The following ATP2B2 variants were observed in gnomAD, a reference collection of about 807,000 sequenced individuals.
The protein encoded by ATP2B2 is plasma membrane calcium-transporting ATPase 2.
A neutral mutation model predicts 120.0 loss-of-function variants in ATP2B2; 15 were observed. The observed-to-expected ratio is 0.12, with a 90% CI of 0.08 to 0.19. The LOEUF (loss-of-function observed/expected upper bound fraction) is 0.19. ATP2B2 is among the 10% of genes least tolerant of loss of function. ATP2B2 has a pLI of 1.00. For synonymous variants in ATP2B2, 694 were observed against 700.3 expected (o/e 0.99, Z 0.14); for missense variants, 1,045 against 1,719.8 (o/e 0.61, Z 6.94).
intron 2 of ATP2B2, among the ~76,000 whole-genome samples, chr3:10,547,148 C>T (rs964059583): frequency 6.6e-6 from 1 of 151,918 alleles, no homozygotes; most frequent in Non-Finnish European, 1.5e-5. Context: ...CAGCTCGGGT[C>T]AAGGGCGGGG....
chr3:10,460,659 G>A (rs1162395761), intron 1 of ATP2B2, among the ~76,000 whole-genome samples: 2 of 152,176 alleles, frequency 1.3e-5, no homozygotes, highest in Non-Finnish European at 2.9e-5. Flanking sequence ...TAGGGGGCAG[G>A]ACTGAGCTAA....
At chr3:10,389,336 A>T (rs557746257) in intron 5 of ATP2B2, among the ~76,000 whole-genome samples, 2 of 152,372 alleles carry the variant, frequency 1.3e-5, no homozygotes, top group Admixed American at 1.3e-4. Context: ...CTTGTCCAAC[A>T]GCAAGCAAGG....
chr3:10,680,730 T>C (rs1323648662), intron 1 of ATP2B2, among the ~76,000 whole-genome samples: 2 of 152,152 alleles, frequency 1.3e-5, no homozygotes, highest in East Asian at 1.9e-4. Flanking sequence ...CTCCCTGGGA[T>C]GTATGGCTTT....
intron 1 of ATP2B2, among the ~76,000 whole-genome samples, chr3:10,688,927 G>A (rs2071590389): frequency 6.6e-6 from 1 of 152,196 alleles, no homozygotes; most frequent in Admixed American, 6.5e-5. Context: ...CCTCCATGGT[G>A]CAGATGTGGA....
At chr3:10,385,987 T>C (rs541316819) in intron 7 of ATP2B2, among the ~76,000 whole-genome samples, 64 of 152,234 alleles carry the variant, frequency 4.2e-4, no homozygotes, top group Non-Finnish European at 7.8e-4. Flanking sequence ...CACTAGTGAA[T>C]TTTTCTTAAT....
In ATP2B2 at chr3:10,329,065, G is replaced by T. The variant is rs745806111; in HGVS notation, c.3481C>A (p.Arg1161=). 7.4e-6 allele frequency: 12 copies of T among 1,613,722 alleles called. No homozygotes were observed. The highest frequency in any genetic ancestry group is 1.0e-5 in the Non-Finnish European group (12 of 1,179,966). ...LYEGLEKPES[R]TSIHNFMAHP... ...GCCATGAAGTTATGGATGGAGGTTC[G>T]AGATTCAGGCTTTTCTAAACCTTCA... is the stretch of plus-strand genomic sequence containing the variant. Residue 1161 remains arginine, a synonymous_variant, in exon 23 of 23, where the codon CGA becomes AGA. Transcript: ENST00000360273. The surrounding 1 kb of genome is among the most constrained non-coding windows in gnomAD (Gnocchi z 5.9).
intron 1 of ATP2B2, among the ~76,000 whole-genome samples, chr3:10,496,625 C>T (rs1260926952): frequency 1.3e-5 from 2 of 151,592 alleles, no homozygotes; most frequent in African/African-American, 4.9e-5. Flanking sequence ...TGAGTCCAAC[C>T]CAAGATCCAC....
chr3:10,599,719 C>T (rs758447180), intron 2 of ATP2B2, among the ~76,000 whole-genome samples: 6 of 148,660 alleles, frequency 4.0e-5, no homozygotes, highest in South Asian at 2.1e-4. Flanking sequence ...TTCATTCAAC[C>T]GTGACTGAGT....
At chr3:10,454,863 G>A (rs972520143) in intron 1 of ATP2B2, among the ~76,000 whole-genome samples, 1 of 152,190 alleles carries the variant, frequency 6.6e-6, no homozygotes, top group Non-Finnish European at 1.5e-5. Flanking sequence ...TTCAGCCTCA[G>A]TTTCCCTTCC....
intron 14 of ATP2B2, among the ~76,000 whole-genome samples, chr3:10,357,956 C>G (rs1200232650): frequency 6.6e-6 from 1 of 152,196 alleles, no homozygotes; most frequent in Non-Finnish European, 1.5e-5. Context: ...TGGTCTTCCC[C>G]CTTCAGGTGC....
At chr3:10,667,233 T>C (rs544132908) in intron 1 of ATP2B2, among the ~76,000 whole-genome samples, 69 of 152,278 alleles carry the variant, frequency 4.5e-4, no homozygotes, top group African/African-American at 1.5e-3. Context: ...ATTCTCCCTA[T>C]TTTATAGATG....
intron 2 of ATP2B2, among the ~76,000 whole-genome samples, chr3:10,602,033 A>G (rs1449898160): frequency 1.3e-5 from 2 of 152,226 alleles, no homozygotes; most frequent in East Asian, 3.9e-4. Context: ...AAGGCCCAGG[A>G]TGTCCTCCCC....
chr3:10,639,917 T>C (rs1163185044), intron 1 of ATP2B2, among the ~76,000 whole-genome samples: 1 of 152,184 alleles, frequency 6.6e-6, no homozygotes, highest in African/African-American at 2.4e-5. Context: ...TCAGCATCCC[T>C]GGGCACAGAG....
At chr3:10,363,639 G>A (rs2060962843) in intron 12 of ATP2B2, among the ~76,000 whole-genome samples, 1 of 152,052 alleles carries the variant, frequency 6.6e-6, no homozygotes, top group Non-Finnish European at 1.5e-5. Flanking sequence ...TACACGTTAC[G>A]GATAACATTT....
Position 10,328,550 on chromosome 3 carries a change from A to C in ATP2B2, c.*264T>G. The C allele has an allele frequency of 2.4e-6, 1 of 423,346 alleles. No individual in the cohort carries two copies. Among genetic ancestry groups the C allele is most frequent in the Non-Finnish European group, 4.2e-6 (1 of 235,618 alleles). The allele number at this position is 423,346 out of a possible 1,614,324, so 26.2% of individuals were successfully genotyped here. A position where few individuals can be genotyped will look rare whatever the true frequency, so the allele number is the denominator to read the frequency against. ...GTCCATGTCTGGGTGGGAGCCAGGAAGGGCTTGTTTTGGGAAAACCGCTCA... is the reference window on the plus strand; with the variant it reads ...GTCCATGTCTGGGTGGGAGCCAGGACGGGCTTGTTTTGGGAAAACCGCTCA... On this transcript the variant is annotated 3_prime_UTR_variant, in exon 23 of 23. Transcript: ENST00000360273.
intron 2 of ATP2B2, among the ~76,000 whole-genome samples, chr3:10,427,273 ATCTATTCCTCTT>A (rs1274964721): frequency 1.3e-5 from 2 of 152,160 alleles, no homozygotes; most frequent in African/African-American, 2.4e-5. Context: ...TTTCCTTCAA[ATCTATTCCTCTT>A]TCAGATTATA....
At chr3:10,671,040 C>A (rs895886358) in intron 1 of ATP2B2, among the ~76,000 whole-genome samples, 1 of 152,130 alleles carries the variant, frequency 6.6e-6, no homozygotes, top group South Asian at 2.1e-4. Flanking sequence ...TTTCAAGATC[C>A]TAGAACATTT....
chr3:10,702,105 A>C (rs2071828509), intron 1 of ATP2B2, among the ~76,000 whole-genome samples: 1 of 152,114 alleles, frequency 6.6e-6, no homozygotes, highest in African/African-American at 2.4e-5. Context: ...GCTTCCCGCT[A>C]CCCAGAGTGG....
intron 2 of ATP2B2, among the ~76,000 whole-genome samples, chr3:10,598,518 C>G (rs1441258706): frequency 1.3e-5 from 2 of 152,226 alleles, no homozygotes; most frequent in Non-Finnish European, 2.9e-5. Context: ...CGCCTCCCAA[C>G]CATGCACGCT....
Sources: allele counts gnomAD v4.1 joint callset (sites outside exome capture counted in the v4.1 genomes callset), GRCh38; gene constraint gnomAD v4.1.1; non-coding constraint Gnocchi (gnomAD v3.1); transcripts MANE v1.5; gene names NCBI Gene and HGNC (gene_info 2026-07-23, HGNC 2026-07-21).